PRDM16: variants seen among roughly 807,000 people sequenced by gnomAD.
PRDM16 encodes histone-lysine N-methyltransferase PRDM16.
PRDM16 carries 23 observed loss-of-function variants against 110.6 expected under a neutral mutation model. The observed-to-expected ratio is 0.21, with a 90% CI of 0.15 to 0.29. PRDM16 has a LOEUF of 0.29. Among genes scored for constraint, PRDM16 ranks in the 10% least tolerant of loss-of-function variants. The pLI is 1.00. For synonymous variants in PRDM16, 799 were observed against 781.8 expected, an observed-to-expected ratio of 1.02 and a Z score of -0.37; for missense variants, 1,615 against 1,794.3, an observed-to-expected ratio of 0.90 and a Z score of 1.81.
At chr1:3,393,612 G>C (rs553398766) in intron 4 of PRDM16, among the ~76,000 whole-genome samples, 194 of 152,322 alleles carry the variant, frequency 1.3e-3, no homozygotes, top group African/African-American at 4.5e-3. Flanking sequence ...CACCGCGGCC[G>C]GCCCGGTCTT....
At chr1:3,095,467 G>C (rs1642374825) in intron 1 of PRDM16, among the ~76,000 whole-genome samples, 5 of 152,192 alleles carry the variant, frequency 3.3e-5, no homozygotes, top group Non-Finnish European at 1.5e-5. Flanking sequence ...AAAACCCATA[G>C]GACCTGGAGC....
At chr1:3,121,829 C>T (rs896861333) in intron 1 of PRDM16, among the ~76,000 whole-genome samples, 17 of 152,162 alleles carry the variant, frequency 1.1e-4, no homozygotes, top group African/African-American at 3.9e-4. Context: ...CTGGGGACCC[C>T]GGAATGTGTG....
chr1:3,321,143 G>A (rs959014464), intron 3 of PRDM16, among the ~76,000 whole-genome samples: 4 of 152,244 alleles, frequency 2.6e-5, no homozygotes, highest in Non-Finnish European at 5.9e-5. Flanking sequence ...AGGGATCGGA[G>A]AAGTTGGGAG....
chr1:3,206,110 G>A lies in PRDM16; in HGVS notation c.387+19636G>A, dbSNP rs1228612057. ...CAACAGAGGTGCCCCAACTAGTACT[G>A]GTGCCCCCGTTTTCTCAGCAAGTCC... is the stretch of plus-strand genomic sequence containing the variant. On this transcript the variant is annotated intron_variant, in intron 2 of 16. Transcript: ENST00000270722. The surrounding 1 kb of genome is among the most constrained non-coding windows in gnomAD (Gnocchi z 4.9). The A allele has an allele frequency of 6.6e-6, 1 of 152,306 alleles. No individual in the cohort carries two copies. The highest frequency in any genetic ancestry group is 1.5e-5 in the Non-Finnish European group (1 of 68,104). The allele number at this position is 152,306 out of a possible 1,614,324, so 9.4% of individuals were successfully genotyped here.
intron 1 of PRDM16, among the ~76,000 whole-genome samples, chr1:3,083,336 C>G (rs114273233): frequency 6.6e-6 from 1 of 152,352 alleles, no homozygotes; most frequent in South Asian, 2.1e-4. Flanking sequence ...CTGGGCGGCG[C>G]GCTCATTTCA....
intron 1 of PRDM16, among the ~76,000 whole-genome samples, chr1:3,071,889 TC>T (rs1326378393): frequency 6.6e-6 from 1 of 152,246 alleles, no homozygotes; most frequent in African/African-American, 2.4e-5. Context: ...CGTTTGTGTT[TC>T]CCTGGAGACC....
chr1:3,409,104 C>T (rs55929648), intron 8 of PRDM16, among the ~76,000 whole-genome samples: 6,355 of 133,362 alleles, frequency 0.048, 180 homozygotes, highest in Middle Eastern at 0.12. Flanking sequence ...TCTGTGAGTG[C>T]GAGTGTGGGC....
At chr1:3,347,832 C>T (rs781137861) in intron 3 of PRDM16, among the ~76,000 whole-genome samples, 34 of 152,340 alleles carry the variant, frequency 2.2e-4, no homozygotes, top group Admixed American at 5.9e-4. Flanking sequence ...ACAGGAAGGG[C>T]AGCCACCTGG....
Position 3,148,305 on chromosome 1 carries a change from G to T in PRDM16, c.38-37820G>T, listed in dbSNP as rs1316729771. Among the ~76,000 whole-genome samples, 1 of 152,156 alleles carries T rather than the reference G, an allele frequency of 6.6e-6. No homozygotes were observed. The highest frequency in any genetic ancestry group is 2.4e-5 in the African/African-American group (1 of 41,448). ...GGGTGCCAGGACAGAGCAGCCACAG[G>T]TGGCCGCCCAGGGGTTTACTCTAGG... On this transcript the variant is annotated intron_variant, in intron 1 of 16. Coordinates refer to ENST00000270722, the MANE Select transcript of PRDM16 (RefSeq NM_022114.4). This position sits in a 1 kb window ranked among gnomAD's most constrained non-coding sequence, Gnocchi z 5.0.
intron 1 of PRDM16, among the ~76,000 whole-genome samples, chr1:3,087,747 T>A (rs1029479437): frequency 1.3e-5 from 2 of 152,164 alleles, no homozygotes; most frequent in Non-Finnish European, 2.9e-5. Flanking sequence ...CACGTCTTGG[T>A]TGTGTCTGCC....
intron 3 of PRDM16, among the ~76,000 whole-genome samples, chr1:3,324,271 G>A (rs938113256): frequency 2.0e-5 from 3 of 152,066 alleles, no homozygotes; most frequent in Admixed American, 1.3e-4. Flanking sequence ...GGCTCCGCCT[G>A]CAGGGTCGCC....
chr1:3,142,968 G>A (rs1052017888), intron 1 of PRDM16, among the ~76,000 whole-genome samples: 7 of 152,198 alleles, frequency 4.6e-5, no homozygotes, highest in Non-Finnish European at 1.0e-4. Context: ...CTGATCTCTC[G>A]GCAACAGCTT....
At chr1:3,368,937 T>C (rs1425601783) in intron 3 of PRDM16, among the ~76,000 whole-genome samples, 1 of 152,218 alleles carries the variant, frequency 6.6e-6, no homozygotes, top group Non-Finnish European at 1.5e-5. Context: ...GCATGCTGCC[T>C]CCCCTCGGAG....
At position 3,402,923 on chromosome 1, in the gene PRDM16, C is replaced by G; in HGVS notation, c.809C>G (p.Pro270Arg). ...LYEGLAEELK[P>R]EGLGGGSGQA... ...GAGGGCCTGGCTGAGGAGCTCAAGC[C>G]CGAGGGCCTTGGCGGTGGCAGCGGC... Residue 270 changes from proline (P) to arginine (R), a missense_variant, in exon 6 of 17, where the codon CCC becomes CGC. Around this residue, in one of 5 missense-constraint regions of PRDM16, gnomAD observed 416 missense variants for 467.1 expected, o/e 0.89. Coordinates refer to ENST00000270722, the MANE Select transcript of PRDM16 (RefSeq NM_022114.4). 6.2e-7 allele frequency: 1 copy of G among 1,612,976 alleles called. No individual in the cohort carries two copies. Among genetic ancestry groups the G allele is most frequent in the Non-Finnish European group, 8.5e-7 (1 of 1,179,982 alleles).
At position 3,425,693 on chromosome 1, in the gene PRDM16, G is replaced by A. The variant is rs1638583467; in HGVS notation, c.3052G>A (p.Gly1018Arg). 1.2e-6 allele frequency: 2 copies of A among 1,613,882 alleles called. No homozygotes were observed. Among genetic ancestry groups the A allele is most frequent in the Non-Finnish European group, 1.7e-6 (2 of 1,179,950 alleles). ...FKCHLCNRCFGQQTNLDRHLK... is the reference protein window; with the variant it reads ...FKCHLCNRCFRQQTNLDRHLK... ...GTGCCACCTGTGCAACCGCTGCTTC[G>A]GGCAGCAGACCAACCTGGACCGGCA... The change falls in exon 13 of 17, where the codon GGG (glycine) becomes AGG (arginine). Residue 1018 changes from glycine to arginine, a missense_variant. By Grantham distance (125) the Gly-to-Arg change is moderately radical (BLOSUM62 -2). Around this residue, in one of 5 missense-constraint regions of PRDM16, gnomAD observed 327 missense variants for 359.3 expected, o/e 0.91. Transcript: ENST00000270722. The surrounding 1 kb of genome is among the most constrained non-coding windows in gnomAD (Gnocchi z 6.9).
intron 1 of PRDM16, among the ~76,000 whole-genome samples, chr1:3,085,425 A>T (rs1384715155): frequency 3.3e-5 from 5 of 152,210 alleles, no homozygotes; most frequent in Non-Finnish European, 7.4e-5. Context: ...GACCCTGGGC[A>T]GCAGGGCCCC....
intron 1 of PRDM16, among the ~76,000 whole-genome samples, chr1:3,183,826 A>G (rs74050160): frequency 6.6e-6 from 1 of 152,192 alleles, no homozygotes; most frequent in Non-Finnish European, 1.5e-5. Context: ...GCTCCAGCGG[A>G]ACTCCCAGAA....
intron 1 of PRDM16, among the ~76,000 whole-genome samples, chr1:3,180,813 C>CT (rs1342707247): frequency 6.7e-6 from 1 of 148,588 alleles, no homozygotes; most frequent in Non-Finnish European, 1.5e-5. Flanking sequence ...CCCTGGACAC[C>CT]TTTTCAGGTT....
intron 4 of PRDM16, chr1:3,396,265 C>T (rs1342031268): frequency 1.7e-6 from 1 of 598,974 alleles, no homozygotes; most frequent in East Asian, 3.6e-5. Context: ...GTCGGCCACC[C>T]CCTTTATGAA....
Sources: gnomAD v4.1 joint callset for allele counts (sites outside exome capture counted in the v4.1 genomes callset) on GRCh38, gnomAD v4.1.1 for gene constraint, gnomAD v4.1.1 regional missense constraint, Gnocchi (gnomAD v3.1) non-coding constraint, MANE v1.5 for transcripts, NCBI Gene and HGNC (gene_info 2026-07-23, HGNC 2026-07-21) for gene names.